The following SAG variants were observed in gnomAD, a reference collection of about 807,000 sequenced individuals.
SAG encodes the protein S-antigen visual arrestin, also known as S-arrestin.
A neutral mutation model predicts 55.0 loss-of-function variants in SAG; 45 were observed. The observed-to-expected ratio is 0.82, with a 90% CI of 0.64 to 1.05. The LOEUF is 1.05. SAG is among the 50% of genes least tolerant of loss of function. The pLI is 0.00. For missense variants in SAG, 455 were observed against 512.1 expected (o/e 0.89, Z 1.08); for synonymous variants, 189 against 197.4 (o/e 0.96, Z 0.36).
At chr2:233,344,702 T>G (rs1032789242) in intron 14 of SAG, 7 of 152,206 alleles carry the variant, frequency 4.6e-5, no homozygotes, top group Non-Finnish European at 1.0e-4. Context: ...TCATCTCTCC[T>G]GTCTTCTCTG....
At chr2:233,312,314 G>A (rs889703371) in intron 2 of SAG, among the ~76,000 whole-genome samples, 6 of 152,076 alleles carry the variant, frequency 3.9e-5, no homozygotes, top group Non-Finnish European at 7.4e-5. Flanking sequence ...CAGCTCCACA[G>A]TCAGGCTGCC....
At chr2:233,336,429 C>T (rs1374952747) in intron 11 of SAG, among the ~76,000 whole-genome samples, 5 of 151,744 alleles carry the variant, frequency 3.3e-5, no homozygotes, top group East Asian at 1.9e-4. Flanking sequence ...ACAGGAGAAT[C>T]GCTTGAACCC....
intron 5 of SAG, among the ~76,000 whole-genome samples, chr2:233,322,323 GA>G (rs1700414424): frequency 1.3e-5 from 2 of 152,074 alleles, no homozygotes; most frequent in Non-Finnish European, 1.5e-5. Flanking sequence ...CAGCAAAGGG[GA>G]CTGGCTACGT....
chr2:233,335,450 A>G (rs1007510030), intron 11 of SAG, among the ~76,000 whole-genome samples: 1 of 152,248 alleles, frequency 6.6e-6, no homozygotes, highest in African/African-American at 2.4e-5. Context: ...TCAGTGAGAC[A>G]ATCCATGTGA....
intron 2 of SAG, among the ~76,000 whole-genome samples, chr2:233,315,166 C>G (rs1700182061): frequency 6.6e-6 from 1 of 152,100 alleles, no homozygotes; most frequent in Non-Finnish European, 1.5e-5. Context: ...ATGGCCATCC[C>G]CTTCCCACCC....
intron 9 of SAG, among the ~76,000 whole-genome samples, chr2:233,331,023 G>A (rs1165098544): frequency 6.6e-6 from 1 of 151,966 alleles, no homozygotes; most frequent in Non-Finnish European, 1.5e-5. Context: ...ACCAGCCTGG[G>A]CAATATAGGG....
intron 5 of SAG, among the ~76,000 whole-genome samples, chr2:233,322,587 G>T (rs1234718708): frequency 1.3e-5 from 2 of 152,154 alleles, no homozygotes; most frequent in African/African-American, 2.4e-5. Context: ...GATTACTTAA[G>T]ATCAGAAGTT....
At chr2:233,336,499 G>A (rs147565453) in intron 11 of SAG, among the ~76,000 whole-genome samples, 6,865 of 149,792 alleles carry the variant, frequency 0.046, 513 homozygotes, top group African/African-American at 0.16. Flanking sequence ...TGGTGACAGA[G>A]CAAGACTCCA....
In SAG at chr2:233,333,639, T is replaced by TGGG. The variant is rs1700837023; in HGVS notation, c.807-1322_807-1321insGGG. On this transcript the variant is annotated intron_variant, in intron 10 of 15. Coordinates refer to ENST00000409110, the MANE Select transcript of SAG (RefSeq NM_000541.5). ...CTCCCCACCATCCAAACCCACATCC[T>TGGG]GAAGCTCTGGGGAGTGGCCCCAGAG... 2.0e-5 allele frequency: 3 copies of TGGG among 152,258 alleles called. No homozygotes were observed. In the East Asian group the frequency reaches 5.8e-4, roughly 29 times the overall value. 9.4% of individuals were successfully genotyped at this position (152,258 alleles called of 1,614,324 possible).
At chr2:233,342,762 AT>A (rs199512697) in intron 14 of SAG, 2,700 of 155,284 alleles carry the variant, frequency 0.017, 10 homozygotes, top group South Asian at 0.038. Context: ...AAAGAAGATA[AT>A]TTTTTTTTTT....
chr2:233,315,480 A>T (rs1177421357), intron 2 of SAG, among the ~76,000 whole-genome samples: 3 of 150,944 alleles, frequency 2.0e-5, no homozygotes, highest in Admixed American at 2.0e-4. Flanking sequence ...TTTAGTAGAG[A>T]CAGGGTTTCG....
Position 233,328,597 on chromosome 2 carries a change from T to G in SAG, c.632T>G (p.Val211Gly). Residue 211 changes from valine (V) to glycine (G), a missense_variant, in exon 8 of 16, where the codon GTC becomes GGC. Transcript: ENST00000409110. ...FMSDKPLHLA[V>G]SLNKEIYFHG... ...TCTGACAAGCCCCTGCACCTTGCGG[T>G]CTCTCTCAACAAAGAGGTAACCACC... 1 of 1,611,994 alleles carries G rather than the reference T, an allele frequency of 6.2e-7. No homozygotes were observed. Among genetic ancestry groups the G allele is most frequent in the Non-Finnish European group, 8.5e-7 (1 of 1,178,656 alleles).
rs1055099950 is a variant in SAG at position 233,309,159 on chromosome 2, A to G, written c.-28-3A>G. The G allele has an allele frequency of 2.5e-6, 4 of 1,593,502 alleles. No individual in the cohort carries two copies. The highest frequency in any genetic ancestry group is 2.7e-5 in the African/African-American group (2 of 74,624). On this transcript the variant is annotated splice_region_variant and splice_polypyrimidine_tract_variant and intron_variant, in intron 1 of 15. Coordinates refer to ENST00000409110, the MANE Select transcript of SAG (RefSeq NM_000541.5). ...CCCTCTAACACCTGACCAACACCCC[A>G]AGGTGGTAGAAGTTGCCAGGGACAG...
chr2:233,315,735 C>T (rs1302736711), intron 2 of SAG, among the ~76,000 whole-genome samples: 1 of 150,358 alleles, frequency 6.7e-6, no homozygotes, highest in Non-Finnish European at 1.5e-5. Flanking sequence ...CGGAGTCTCA[C>T]TCTGTTGCCC....
At chr2:233,324,991 C>T (rs1364924686) in intron 6 of SAG, among the ~76,000 whole-genome samples, 5 of 151,958 alleles carry the variant, frequency 3.3e-5, no homozygotes, top group African/African-American at 7.3e-5. Context: ...TTTGGGAGGC[C>T]GAGGCGGGCA....
At chr2:233,325,998 A>T (rs1700542211) in intron 6 of SAG, among the ~76,000 whole-genome samples, 1 of 150,852 alleles carries the variant, frequency 6.6e-6, no homozygotes, top group Admixed American at 6.7e-5. Context: ...CGTGCCTCAT[A>T]TGTCACCATG....
intron 3 of SAG, among the ~76,000 whole-genome samples, chr2:233,316,542 C>G (rs1700220455): frequency 1.3e-5 from 2 of 152,104 alleles, no homozygotes; most frequent in African/African-American, 4.8e-5. Context: ...AACTCCTGAC[C>G]TCAGGTGATC....
chr2:233,344,691 G>T (rs978993034), intron 14 of SAG: 1 of 152,164 alleles, frequency 6.6e-6, no homozygotes, highest in Non-Finnish European at 1.5e-5. Flanking sequence ...AGAGATAAAT[G>T]TCATCTCTCC....
intron 9 of SAG, among the ~76,000 whole-genome samples, chr2:233,331,339 G>A (rs1700756323): frequency 1.3e-5 from 2 of 152,190 alleles, no homozygotes; most frequent in Non-Finnish European, 2.9e-5. Flanking sequence ...TGTTCATGAA[G>A]TAAGATGGAG....
Sources: allele counts gnomAD v4.1 joint callset (sites outside exome capture counted in the v4.1 genomes callset), GRCh38; gene constraint gnomAD v4.1.1; transcripts MANE v1.5; gene names NCBI Gene and HGNC (gene_info 2026-07-23, HGNC 2026-07-21).